Variants in KYNU observed in about 807,000 individuals in gnomAD.
The protein encoded by KYNU is L-kynurenine hydrolase.
KYNU carries 54 observed loss-of-function variants against 59.2 expected under a neutral mutation model. That is an observed-to-expected ratio of 0.91 (90% confidence interval 0.73 to 1.14). KYNU has a LOEUF of 1.14. Among genes scored for constraint, KYNU ranks in the 50% most tolerant of loss-of-function variants. The pLI is 0.00. For synonymous variants in KYNU, 177 were observed against 192.0 expected, an observed-to-expected ratio of 0.92 and a Z score of 0.65; for missense variants, 567 against 554.4, an observed-to-expected ratio of 1.02 and a Z score of -0.23.
chr2:142,991,157 G>A (rs1463128940), intron 10 of KYNU, among the ~76,000 whole-genome samples: 2 of 152,030 alleles, frequency 1.3e-5, no homozygotes, highest in East Asian at 3.9e-4. Context: ...TTGCACATTT[G>A]TTCAGGGGAA....
chr2:142,946,907 A>AT (rs1386532874), intron 4 of KYNU, among the ~76,000 whole-genome samples: 2 of 152,068 alleles, frequency 1.3e-5, no homozygotes, highest in Non-Finnish European at 2.9e-5. Flanking sequence ...TCTTAGCTTG[A>AT]TTTTCTGGGT....
intron 8 of KYNU, among the ~76,000 whole-genome samples, chr2:142,981,730 T>A (rs1685057661): frequency 6.6e-6 from 1 of 152,108 alleles, no homozygotes; most frequent in Non-Finnish European, 1.5e-5. Flanking sequence ...ATATTGTCCT[T>A]TTGTGAGATA....
intron 3 of KYNU, 123 bp downstream of exon 3, chr2:142,918,852 T>G (rs986923376): frequency 7.9e-6 from 9 of 1,139,224 alleles, no homozygotes; most frequent in Non-Finnish European, 1.2e-5. Context: ...CCTTGGCATC[T>G]GTGGAGGATT....
At chr2:142,948,792 T>A (rs1683885496) in intron 4 of KYNU, among the ~76,000 whole-genome samples, 1 of 152,176 alleles carries the variant, frequency 6.6e-6, no homozygotes, top group African/African-American at 2.4e-5. Context: ...TCTCATGTCC[T>A]CACATTTCAA....
At chr2:142,966,281 T>C (rs1233989499) in intron 8 of KYNU, among the ~76,000 whole-genome samples, 1 of 152,212 alleles carries the variant, frequency 6.6e-6, no homozygotes, top group African/African-American at 2.4e-5. Flanking sequence ...CGGGCAGGAA[T>C]TAACTTTCTC....
At chr2:143,036,729 T>C (rs1391780615) in intron 12 of KYNU, among the ~76,000 whole-genome samples, 2 of 152,240 alleles carry the variant, frequency 1.3e-5, no homozygotes, top group African/African-American at 4.8e-5. Flanking sequence ...ACCTCTACTT[T>C]ACTTTTTATA....
chr2:142,900,663 A>T (rs1418667859), intron 2 of KYNU, among the ~76,000 whole-genome samples: 1 of 152,184 alleles, frequency 6.6e-6, no homozygotes, highest in African/African-American at 2.4e-5. Flanking sequence ...GGCCTAGGAA[A>T]TCCAGTCAGT....
chr2:142,919,870 G>A (rs1182869052), intron 3 of KYNU, among the ~76,000 whole-genome samples: 1 of 152,134 alleles, frequency 6.6e-6, no homozygotes, highest in African/African-American at 2.4e-5. Context: ...TCAGGAGTTC[G>A]AGACCAGTCT....
chr2:142,941,537 C>T (rs1433256394), intron 4 of KYNU, among the ~76,000 whole-genome samples: 5 of 152,176 alleles, frequency 3.3e-5, no homozygotes, highest in Non-Finnish European at 5.9e-5. Context: ...ATAACTTTCC[C>T]AAAGCCTCAA....
chr2:142,991,492 C>T (rs1337748837), intron 10 of KYNU, among the ~76,000 whole-genome samples: 1 of 151,722 alleles, frequency 6.6e-6, no homozygotes, highest in African/African-American at 2.4e-5. Context: ...TTCTGAGTCA[C>T]CTGTTCTGCT....
chr2:142,900,899 T>C lies in KYNU; in HGVS notation c.169+15363T>C, dbSNP rs1160061823. On this transcript the variant is annotated intron_variant, in intron 2 of 13. Transcript: ENST00000264170. ...CATGGACTGCATCTGGGGCTCCATT[T>C]GAAGAACAATTTGTAGTTTTATAGC... Among the ~76,000 whole-genome samples, 5 of 152,168 alleles carry C rather than the reference T, an allele frequency of 3.3e-5. 1 individual carries two copies. The highest frequency in any genetic ancestry group is 3.3e-4 in the Admixed American group (5 of 15,274).
intron 2 of KYNU, among the ~76,000 whole-genome samples, chr2:142,906,099 G>C (rs1165966392): frequency 1.4e-5 from 2 of 147,432 alleles, no homozygotes; most frequent in Non-Finnish European, 3.0e-5. Flanking sequence ...TCTCATCTCT[G>C]TCTCTCTCTC....
At chr2:143,039,681 G>A (rs1686979827) in intron 12 of KYNU, among the ~76,000 whole-genome samples, 1 of 152,014 alleles carries the variant, frequency 6.6e-6, no homozygotes, top group Non-Finnish European at 1.5e-5. Context: ...AAATTACAAA[G>A]TTTTACAGGT....
chr2:142,965,237 T>C (rs1264544890), intron 8 of KYNU, among the ~76,000 whole-genome samples: 2 of 152,238 alleles, frequency 1.3e-5, no homozygotes, highest in Non-Finnish European at 2.9e-5. Context: ...GTCTCTACTG[T>C]ATCATCATGT....
At position 143,007,929 on chromosome 2, in the gene KYNU, A is replaced by T. The variant is rs1464454538; in HGVS notation, c.903-21698A>T. On this transcript the variant is annotated intron_variant, in intron 10 of 13. Coordinates refer to ENST00000264170, the MANE Select transcript of KYNU (RefSeq NM_003937.3). ...GAAGCGCTAAACATGGAAAGGAACA[A>T]CCGGTACCAGCCGCTGCAAAATCAT... 4.3e-5 allele frequency among the ~76,000 whole-genome samples: 5 copies of T among 115,614 alleles called. 1 individual carries two copies. The highest frequency in any genetic ancestry group is 7.8e-5 in the African/African-American group (2 of 25,778). The allele number at this position is 115,614 out of a possible 152,430, so 75.8% of individuals were successfully genotyped here.
At chr2:143,024,331 C>T (rs1265299421) in intron 10 of KYNU, among the ~76,000 whole-genome samples, 1 of 151,964 alleles carries the variant, frequency 6.6e-6, no homozygotes, top group African/African-American at 2.4e-5. Flanking sequence ...TTTGTTCAGT[C>T]TCAGTCCTAT....
chr2:142,983,122 A>G (rs113777191), intron 8 of KYNU, among the ~76,000 whole-genome samples: 3 of 148,918 alleles, frequency 2.0e-5, no homozygotes, highest in African/African-American at 4.9e-5. Flanking sequence ...GGGTTCTGCA[A>G]GTCTCAGCTG....
intron 10 of KYNU, among the ~76,000 whole-genome samples, chr2:143,019,817 A>G (rs1264071271): frequency 6.6e-6 from 1 of 151,970 alleles, no homozygotes; most frequent in East Asian, 1.9e-4. Flanking sequence ...GCTTTTTATT[A>G]TTGCTTCAAT....
chr2:142,939,900 T>G (rs1000945458), intron 4 of KYNU, among the ~76,000 whole-genome samples: 3 of 152,154 alleles, frequency 2.0e-5, no homozygotes, highest in Non-Finnish European at 4.4e-5. Context: ...AGGGCTAATC[T>G]GGGCAGCCCT....
Sources: allele counts gnomAD v4.1 joint callset (sites outside exome capture counted in the v4.1 genomes callset), GRCh38; gene constraint gnomAD v4.1.1; transcripts MANE v1.5; gene names NCBI Gene and HGNC (gene_info 2026-07-23, HGNC 2026-07-21).